PDE4A: variants seen among roughly 807,000 people sequenced by gnomAD.
The protein encoded by PDE4A is 3',5'-cyclic-AMP phosphodiesterase 4A.
PDE4A carries 21 observed loss-of-function variants against 73.9 expected under a neutral mutation model. That is an observed-to-expected ratio of 0.28 (90% CI 0.20 to 0.41). The LOEUF (loss-of-function observed/expected upper bound fraction) is 0.41. PDE4A is among the 10% of genes least tolerant of loss of function. The pLI, the probability that PDE4A is intolerant of heterozygous loss-of-function variation, is 1.00. For missense variants in PDE4A, 958 were observed against 1,211.4 expected, an observed-to-expected ratio of 0.79 and a Z score of 3.10; for synonymous variants, 463 against 505.4, an observed-to-expected ratio of 0.92 and a Z score of 1.13.
At chr19:10,427,660 A>G (rs2042734877) in intron 1 of PDE4A, 2 of 972,324 alleles carry the variant, frequency 2.1e-6, no homozygotes, top group South Asian at 4.8e-5. Flanking sequence ...AGCTGGGTCC[A>G]TAATCCAGCT....
At chr19:10,422,244 A>G (rs995395589) in intron 1 of PDE4A, among the ~76,000 whole-genome samples, 2 of 152,138 alleles carry the variant, frequency 1.3e-5, no homozygotes, top group Admixed American at 6.5e-5. Context: ...TTGGGGAACA[A>G]TGTGATTGAG....
rs769314037 is a variant in PDE4A, at chr19:10,467,157, G to T, written c.2197G>T (p.Ala733Ser). 5.6e-6 allele frequency: 9 copies of T among 1,614,196 alleles called. No homozygotes were observed. The highest frequency in any genetic ancestry group is 7.6e-6 in the Non-Finnish European group (9 of 1,180,034). Residue 733 changes from alanine (A) to serine (S), a missense_variant, in exon 15 of 15, where the codon GCA (alanine) becomes TCA (serine). Transcript: ENST00000380702. ...MAQIPCTAQE[A>S]LTAQGLSGVE... ...CCAGATACCGTGCACAGCCCAAGAGGCATTGACTGCGCAGGGATTGTCAGG... is the reference window on the plus strand; with the variant it reads ...CCAGATACCGTGCACAGCCCAAGAGTCATTGACTGCGCAGGGATTGTCAGG...
chr19:10,440,289 C>G (rs1481165296), intron 1 of PDE4A, among the ~76,000 whole-genome samples: 3 of 151,878 alleles, frequency 2.0e-5, no homozygotes, highest in Non-Finnish European at 2.9e-5. Flanking sequence ...AGACCTGTAT[C>G]TCTTTCTTTT....
chr19:10,428,866 C>G, intron 1 of PDE4A: 8 of 985,422 alleles, frequency 8.1e-6, no homozygotes, highest in Non-Finnish European at 9.6e-6. Flanking sequence ...GGCGCAGTGG[C>G]TCACACGGGT....
intron 1 of PDE4A, among the ~76,000 whole-genome samples, chr19:10,436,550 C>T (rs12983921): frequency 0.19 from 26,545 of 143,418 alleles, 2,794 homozygotes; most frequent in East Asian, 0.5. Flanking sequence ...AGCGAAACTC[C>T]GTCTCAAAAA....
At chr19:10,438,942 TA>T (rs1484519223) in intron 1 of PDE4A, among the ~76,000 whole-genome samples, 1 of 152,222 alleles carries the variant, frequency 6.6e-6, no homozygotes. Flanking sequence ...CTTTCCTTTT[TA>T]AGGCTGAATT....
chr19:10,440,248 C>T (rs144079428), intron 1 of PDE4A, among the ~76,000 whole-genome samples: 194 of 151,762 alleles, frequency 1.3e-3, no homozygotes, highest in Non-Finnish European at 2.2e-3. Flanking sequence ...CCTCCCAAAG[C>T]GCTGGGATTA....
At position 10,423,108 on chromosome 19, in the gene PDE4A, T is replaced by C. The variant is rs937379268; in HGVS notation, c.320+2024T>C. On this transcript the variant is annotated intron_variant, in intron 1 of 14. Coordinates refer to ENST00000380702, the MANE Select transcript of PDE4A (RefSeq NM_001111307.2). ...GTGCCCTGGGTATTCCAGCAGGGTA[T>C]TCCTGCTGGCATATGGAGAAACTGG... is the stretch of plus-strand genomic sequence containing the variant. 7 of 984,616 alleles carry C rather than the reference T, an allele frequency of 7.1e-6. No homozygotes were observed. The African/African-American group carries it at 1.2e-4, about 17-fold the overall frequency. 61.0% of individuals were successfully genotyped at this position (984,616 alleles called of 1,614,324 possible).
Position 10,429,806 on chromosome 19 carries a change from C to T in PDE4A, c.320+8722C>T, listed in dbSNP as rs148398116. Among the ~76,000 whole-genome samples, 178 of 152,092 alleles carry T rather than the reference C, an allele frequency of 1.2e-3. 1 individual carries two copies. The highest frequency in any genetic ancestry group is 4.2e-3 in the African/African-American group (176 of 41,488). On this transcript the variant is annotated intron_variant, in intron 1 of 14. Coordinates refer to ENST00000380702, the MANE Select transcript of PDE4A (RefSeq NM_001111307.2). ...TGTCCCTGGGGTCTATTGGGGCACC[C>T]CAGATTTTGCTGGCATCTCCATGGT...
chr19:10,459,301 A>G lies in PDE4A; in HGVS notation c.1102-99A>G, dbSNP rs776988063. The G allele has an allele frequency of 8.2e-6, 13 of 1,578,432 alleles. No individual in the cohort carries two copies. In the South Asian group the frequency reaches 1.3e-4, roughly 15 times the overall value. ...CCTGTCACCCACTGGGTGAGCAATA[A>G]TGGTGCTTCCTTCAGACCAAGGCTT... On this transcript the variant is annotated intron_variant, in intron 8 of 14. Coordinates refer to ENST00000380702, the MANE Select transcript of PDE4A (RefSeq NM_001111307.2).
chr19:10,430,848 G>A, intron 1 of PDE4A: 1 of 1,199,008 alleles, frequency 8.3e-7, no homozygotes, highest in East Asian at 3.6e-5. Flanking sequence ...CGCGGCCATG[G>A]CGCGGCCGCG....
At position 10,450,630 on chromosome 19, in the gene PDE4A, T is replaced by C; in HGVS notation, c.648T>C (p.Pro216=). 6.2e-7 allele frequency: 1 copy of C among 1,609,618 alleles called. No individual in the cohort carries two copies. Among genetic ancestry groups the C allele is most frequent in the South Asian group, 1.1e-5 (1 of 90,320 alleles). ...NKRSPLGGPT[P]VCKATLSEET... ...GGTCCCCGCTGGGCGGCCCCACCCC[T>C]GTCTGCAAGGCCACGCTGTCAGGTA... Residue 216 remains proline, a synonymous_variant, in exon 5 of 15, where the codon CCT becomes CCC. Transcript: ENST00000380702.
rs957420765 is a variant in PDE4A, at chr19:10,420,659, G to C, written c.-106G>C. On this transcript the variant is annotated 5_prime_UTR_variant, in exon 1 of 15. Coordinates refer to ENST00000380702, the MANE Select transcript of PDE4A (RefSeq NM_001111307.2). This position sits in a 1 kb window ranked among gnomAD's most constrained non-coding sequence, Gnocchi z 6.0. ...CCCGGGGCGCCATGGCCCTACCGCG[G>C]CCGGGCGCACCCGCGGGGCCCTGGG... is the stretch of plus-strand genomic sequence containing the variant. The C allele has an allele frequency of 7.3e-6, 10 of 1,364,520 alleles. No individual in the cohort carries two copies. The highest frequency in any genetic ancestry group is 3.1e-5 in the East Asian group (1 of 32,358). 84.5% of individuals were successfully genotyped at this position (1,364,520 alleles called of 1,614,324 possible).
In PDE4A at chr19:10,420,910, C is replaced by G. The variant is rs766806613; in HGVS notation, c.146C>G (p.Ser49Cys). The G allele has an allele frequency of 1.9e-6, 3 of 1,585,814 alleles. No individual in the cohort carries two copies. In the Admixed American group the frequency reaches 5.1e-5, roughly 27 times the overall value. ...ATCCGTATCCAGCAGCGCGGCTACT[C>G]CGACAGCGCGGAGCGCGCCGAGCGG... ...TPIRIQQRGY[S>C]DSAERAERER... The change falls in exon 1 of 15, where the codon TCC becomes TGC. Residue 49 changes from serine to cysteine, a missense_variant. Ser to Cys is a moderately radical substitution (Grantham distance 112). Around this residue, in one of 3 missense-constraint regions of PDE4A, gnomAD observed 145 missense variants for 137.8 expected, o/e 1.05. Coordinates refer to ENST00000380702, the MANE Select transcript of PDE4A (RefSeq NM_001111307.2). This position sits in a 1 kb window ranked among gnomAD's most constrained non-coding sequence, Gnocchi z 6.0.
intron 8 of PDE4A, 188 bp from the exon 9 acceptor site, chr19:10,459,212 C>A: frequency 2.1e-6 from 2 of 953,382 alleles, no homozygotes; most frequent in South Asian, 1.7e-5. Context: ...AAGACAGTGG[C>A]TGTGATTGCT....
rs1005774054 is a variant in PDE4A at position 10,424,266 on chromosome 19, G to A, written c.320+3182G>A. ...GGGGAGCTGTCTGAACTGGGGACGGGGCCAACATACGGACCCTGCGTCCCC... is the reference window on the plus strand; with the variant it reads ...GGGGAGCTGTCTGAACTGGGGACGGAGCCAACATACGGACCCTGCGTCCCC... On this transcript the variant is annotated intron_variant, in intron 1 of 14. Transcript: ENST00000380702. The surrounding 1 kb of genome is among the most constrained non-coding windows in gnomAD (Gnocchi z 4.8). Among the ~76,000 whole-genome samples, 1 of 152,224 alleles carries A rather than the reference G, an allele frequency of 6.6e-6. No individual in the cohort carries two copies. Among genetic ancestry groups the A allele is most frequent in the Non-Finnish European group, 1.5e-5 (1 of 68,030 alleles).
chr19:10,458,850 C>G lies in PDE4A; in HGVS notation c.1102-550C>G, dbSNP rs944585455. ...ACCAGGCTGGTCTCGAACTCCTGGC[C>G]TCAAGTGATCCACCCGCCTTAGCCT... On this transcript the variant is annotated intron_variant, in intron 8 of 14. Coordinates refer to ENST00000380702, the MANE Select transcript of PDE4A (RefSeq NM_001111307.2). The surrounding 1 kb of genome is among the most constrained non-coding windows in gnomAD (Gnocchi z 4.6). The G allele has an allele frequency of 6.5e-6, 1 of 154,798 alleles. No homozygotes were observed. The highest frequency in any genetic ancestry group is 2.4e-5 in the African/African-American group (1 of 41,466). The allele number at this position is 154,798 out of a possible 1,614,324, so 9.6% of individuals were successfully genotyped here.
rs1468002802 is a variant in PDE4A at position 10,468,688 on chromosome 19, C to T, written c.*1067C>T. ...CACACTCTGATCACAGCCCCCCTAC[C>T]TTTTGCCCTAGGAGGAAGCAATAAT... On this transcript the variant is annotated 3_prime_UTR_variant, in exon 15 of 15. Coordinates refer to ENST00000380702, the MANE Select transcript of PDE4A (RefSeq NM_001111307.2). 5 of 152,420 alleles carry T rather than the reference C, an allele frequency of 3.3e-5. No homozygotes were observed. Among genetic ancestry groups the T allele is most frequent in the African/African-American group, 9.7e-5 (4 of 41,312 alleles). The allele number at this position is 152,420 out of a possible 1,614,324, so 9.4% of individuals were successfully genotyped here. A position where few individuals can be genotyped will look rare whatever the true frequency, so the allele number is the denominator to read the frequency against.
Position 10,453,200 on chromosome 19 carries a change from A to T in PDE4A, c.784-1629A>T. 6.5e-7 allele frequency: 1 copy of T among 1,534,354 alleles called. No individual in the cohort carries two copies. Among genetic ancestry groups the T allele is most frequent in the Non-Finnish European group, 8.8e-7 (1 of 1,138,916 alleles). ...CGGCACCCCCTCCCCAGTGGTTGTT[A>T]ACCCCGGGACTCCCCAAGCCCAGCC... On this transcript the variant is annotated intron_variant, in intron 6 of 14. Transcript: ENST00000380702. This position sits in a 1 kb window ranked among gnomAD's most constrained non-coding sequence, Gnocchi z 4.6.
Sources: gnomAD v4.1 joint callset for allele counts (sites outside exome capture counted in the v4.1 genomes callset) on GRCh38, gnomAD v4.1.1 for gene constraint, gnomAD v4.1.1 regional missense constraint, Gnocchi (gnomAD v3.1) non-coding constraint, MANE v1.5 for transcripts, NCBI Gene and HGNC (gene_info 2026-07-23, HGNC 2026-07-21) for gene names.